Variants in GPHN observed in about 807,000 individuals in gnomAD.
The protein encoded by GPHN is gephyrin.
A neutral mutation model predicts 95.5 loss-of-function variants in GPHN; 17 were observed. That is an observed-to-expected ratio of 0.18 (90% CI 0.12 to 0.27). The LOEUF (loss-of-function observed/expected upper bound fraction) is 0.27, where lower values mean the gene tolerates loss of function less well. Among genes scored for constraint, GPHN ranks in the 10% least tolerant of loss-of-function variants. The pLI, the probability that GPHN is intolerant of heterozygous loss-of-function variation, is 1.00. For missense variants in GPHN, 660 were observed against 978.1 expected (o/e 0.67, Z 4.34); for synonymous variants, 320 against 322.5 (o/e 0.99, Z 0.08).
At chr14:67,493,825 T>C in the GPHN span, among the ~76,000 whole-genome samples, 1 of 152,202 alleles carries the variant, frequency 6.6e-6, no homozygotes, top group African/African-American at 2.4e-5. Flanking sequence ...TATAAGGATG[T>C]CAGTCTGAAA....
At chr14:66,526,334 A>G (rs188508111) in intron 1 of GPHN, among the ~76,000 whole-genome samples, 303 of 152,310 alleles carry the variant, frequency 2.0e-3, no homozygotes, top group Middle Eastern at 3.4e-3. Flanking sequence ...TTGATTTTGT[A>G]TCCTGAGAGT....
At chr14:67,341,191 G>C in the GPHN span, among the ~76,000 whole-genome samples, 1 of 152,078 alleles carries the variant, frequency 6.6e-6, no homozygotes, top group African/African-American at 2.4e-5. Context: ...AAAGTGAGGA[G>C]CGTCTGTGAC....
In GPHN at chr14:66,847,386, TA is replaced by T. The variant is rs1454505418; in HGVS notation, c.294+22822del. On this transcript the variant is annotated intron_variant, in intron 4 of 22. Transcript: ENST00000478722. ...AATAAAGGAAAATATAAGAGTAACATAATTTTATTAAACTCATTTTATTAAT... is the reference window on the plus strand; with the variant it reads ...AATAAAGGAAAATATAAGAGTAACATATTTTATTAAACTCATTTTATTAAT... Among the ~76,000 whole-genome samples, 3 of 152,250 alleles carry T rather than the reference TA, an allele frequency of 2.0e-5. No individual in the cohort carries two copies. The East Asian group carries it at 5.8e-4, about 29-fold the overall frequency.
rs113970660 is a variant in GPHN at position 66,724,985 on chromosome 14, T to C, written c.143+43800T>C. On this transcript the variant is annotated intron_variant, in intron 2 of 22. Coordinates refer to ENST00000478722, the MANE Select transcript of GPHN (RefSeq NM_020806.5). ...GATGCACTGATTGCCAGTGTGACTG[T>C]GTCTGGTCTTTAGGAGGTAATTAAG... 2.6e-5 allele frequency among the ~76,000 whole-genome samples: 4 copies of C among 152,300 alleles called. 1 individual carries two copies. Among genetic ancestry groups the C allele is most frequent in the African/African-American group, 9.6e-5 (4 of 41,568 alleles).
chr14:67,050,630 A>C (rs1339173717), intron 10 of GPHN, among the ~76,000 whole-genome samples: 1 of 152,196 alleles, frequency 6.6e-6, no homozygotes, highest in East Asian at 1.9e-4. Context: ...TATTCCTGCC[A>C]GTAGATAACC....
chr14:67,563,870 A>C, the GPHN span, among the ~76,000 whole-genome samples: 1 of 150,116 alleles, frequency 6.7e-6, no homozygotes, highest in East Asian at 2.0e-4. Flanking sequence ...AGTAGCTGGA[A>C]TTACAGGTGT....
chr14:67,108,961 A>G (rs2078207526), intron 13 of GPHN, among the ~76,000 whole-genome samples: 1 of 151,942 alleles, frequency 6.6e-6, no homozygotes, highest in South Asian at 2.1e-4. Context: ...TTGTTGGGCA[A>G]TTTTCTTGTT....
intron 9 of GPHN, among the ~76,000 whole-genome samples, chr14:67,004,110 T>TA (rs2072433230): frequency 1.3e-5 from 2 of 151,776 alleles, no homozygotes; most frequent in Admixed American, 1.3e-4. Flanking sequence ...ATCATGAATG[T>TA]AAAAACAGAA....
intron 9 of GPHN, among the ~76,000 whole-genome samples, chr14:66,995,547 G>A (rs1342833853): frequency 6.6e-6 from 1 of 152,048 alleles, no homozygotes; most frequent in East Asian, 1.9e-4. Context: ...TAGAAGAAAA[G>A]GGATTTGTAT....
chr14:66,542,184 G>A (rs1347206108), intron 1 of GPHN, among the ~76,000 whole-genome samples: 6 of 152,132 alleles, frequency 3.9e-5, no homozygotes, highest in Non-Finnish European at 7.4e-5. Context: ...TATATACGTC[G>A]AGAGGAAAAT....
At chr14:67,382,986 A>G in the GPHN span, among the ~76,000 whole-genome samples, 5 of 152,132 alleles carry the variant, frequency 3.3e-5, no homozygotes, top group African/African-American at 4.8e-5. Flanking sequence ...TGAGCCTGGA[A>G]GACAGGTTTT....
chr14:67,340,846 G>A, the GPHN span, among the ~76,000 whole-genome samples: 5 of 152,170 alleles, frequency 3.3e-5, no homozygotes, highest in African/African-American at 7.2e-5. Flanking sequence ...ACTGGTTTTC[G>A]TATTTTTTTG....
chr14:67,367,042 G>T, the GPHN span, among the ~76,000 whole-genome samples: 1 of 152,064 alleles, frequency 6.6e-6, no homozygotes, highest in Non-Finnish European at 1.5e-5. Flanking sequence ...CAGGCACAAA[G>T]GGAGATCCCC....
intron 4 of GPHN, among the ~76,000 whole-genome samples, chr14:66,835,895 G>A (rs1463448842): frequency 2.0e-5 from 3 of 150,200 alleles, no homozygotes; most frequent in Admixed American, 6.7e-5. Flanking sequence ...GGGATGTGAA[G>A]GACCTCTTCA....
the GPHN span, among the ~76,000 whole-genome samples, chr14:67,280,352 A>G: frequency 2.0e-5 from 3 of 152,184 alleles, no homozygotes; most frequent in Non-Finnish European, 4.4e-5. Flanking sequence ...GTGGTTTGCT[A>G]TTTTTTAGGT....
chr14:67,027,560 G>T lies in GPHN; in HGVS notation c.1006+3885G>T, dbSNP rs2076716248. ...TGCCCAGGCTGGAACTTGAACTCCT[G>T]ACCTCGTGATCAGCTGCCTCAGCCT... is the stretch of plus-strand genomic sequence containing the variant. On this transcript the variant is annotated intron_variant, in intron 10 of 22. Coordinates refer to ENST00000478722, the MANE Select transcript of GPHN (RefSeq NM_020806.5). Among the ~76,000 whole-genome samples, 4 of 152,046 alleles carry T rather than the reference G, an allele frequency of 2.6e-5. No individual in the cohort carries two copies. In the South Asian group the frequency reaches 8.3e-4, roughly 32 times the overall value.
chr14:67,023,321 C>T (rs972477753), intron 9 of GPHN, among the ~76,000 whole-genome samples: 2 of 151,904 alleles, frequency 1.3e-5, no homozygotes, highest in South Asian at 2.1e-4. Context: ...ATATTTACAA[C>T]TAAATATACA....
At chr14:66,557,549 A>T (rs1277256131) in intron 1 of GPHN, among the ~76,000 whole-genome samples, 2 of 152,190 alleles carry the variant, frequency 1.3e-5, no homozygotes, top group African/African-American at 4.8e-5. Flanking sequence ...ATTCCCTTTT[A>T]AGGGAAAATA....
intron 12 of GPHN, among the ~76,000 whole-genome samples, chr14:67,095,208 C>A (rs1237386025): frequency 6.6e-6 from 1 of 152,096 alleles, no homozygotes; most frequent in Non-Finnish European, 1.5e-5. Flanking sequence ...CTTAAATTTT[C>A]TCTTAGTCTG....
Sources: gnomAD v4.1 joint callset for allele counts (sites outside exome capture counted in the v4.1 genomes callset) on GRCh38, gnomAD v4.1.1 for gene constraint, MANE v1.5 for transcripts, NCBI Gene and HGNC (gene_info 2026-07-23, HGNC 2026-07-21) for gene names.